Variants in EXTL2 observed in about 807,000 individuals in gnomAD.
The protein encoded by EXTL2 is exostosin-like 2.
Under a neutral mutation model 30.7 loss-of-function variants are expected in EXTL2, and 23 were observed. That is an observed-to-expected ratio of 0.75 (90% CI 0.54 to 1.06). EXTL2 has a LOEUF of 1.06. Among genes scored for constraint, EXTL2 ranks in the 50% least tolerant of loss-of-function variants. The pLI, the probability that EXTL2 is intolerant of heterozygous loss-of-function variation, is 0.00. For missense variants in EXTL2, 352 were observed against 396.3 expected (o/e 0.89, Z 0.95); for synonymous variants, 123 against 133.8 (o/e 0.92, Z 0.56).
At chr1:100,885,665 G>A (rs544302686) in intron 2 of EXTL2, 2 of 152,304 alleles carry the variant, frequency 1.3e-5, no homozygotes, top group South Asian at 4.1e-4. Context: ...GTACATGAAA[G>A]GTCATTTTTC....
intron 4 of EXTL2, 109 bp from the exon 5 acceptor site, chr1:100,874,539 C>A (rs1648951551): frequency 1.1e-6 from 1 of 898,272 alleles, no homozygotes; most frequent in African/African-American, 1.7e-5. Context: ...GTCAACTCTT[C>A]CTTATTCCTG....
intron 1 of EXTL2, among the ~76,000 whole-genome samples, chr1:100,891,111 T>C (rs967246183): frequency 1.3e-5 from 2 of 152,268 alleles, no homozygotes; most frequent in African/African-American, 4.8e-5. Context: ...TTTATGCATG[T>C]ATACACTTGT....
rs779543885 is a variant in EXTL2 at position 100,877,816 on chromosome 1, C to T, written c.93G>A (p.Leu31=). ...GTAAGGCAGTCAAAGCACCAGCTAC[C>T]AGTAATAATACGAGGATGACCACCA... The part of the protein sequence containing the change: ...LSLVVILVLL[L]VAGALTALLP... The change falls in exon 3 of 5, where the codon CTG becomes CTA. Residue 31 remains leucine, a synonymous_variant. Coordinates refer to ENST00000370114, the MANE Select transcript of EXTL2 (RefSeq NM_001033025.3). The surrounding 1 kb of genome is among the most constrained non-coding windows in gnomAD (Gnocchi z 4.1). 1.2e-6 allele frequency: 2 copies of T among 1,606,214 alleles called. No individual in the cohort carries two copies. The highest frequency in any genetic ancestry group is 2.7e-5 in the African/African-American group (2 of 74,966).
At chr1:100,878,524 A>G (rs1649310516) in intron 2 of EXTL2, 1 of 464,066 alleles carries the variant, frequency 2.2e-6, no homozygotes, top group African/African-American at 2.0e-5. Context: ...AGAAACAGAT[A>G]ACACAATAAA....
At chr1:100,886,949 C>T (rs973370558) in intron 2 of EXTL2, among the ~76,000 whole-genome samples, 1 of 152,118 alleles carries the variant, frequency 6.6e-6, no homozygotes, top group African/African-American at 2.4e-5. Flanking sequence ...GGCCTTATTC[C>T]TAAGAGGAAC....
chr1:100,888,482 T>A (rs1650152721), intron 2 of EXTL2: 1 of 306,886 alleles, frequency 3.3e-6, no homozygotes, highest in Non-Finnish European at 6.0e-6. Flanking sequence ...TGATTCCATT[T>A]ATTATGAGGT....
chr1:100,875,398 T>C (rs1371471008), intron 4 of EXTL2, among the ~76,000 whole-genome samples: 2 of 151,836 alleles, frequency 1.3e-5, no homozygotes, highest in Non-Finnish European at 2.9e-5. Flanking sequence ...AATGGGCACA[T>C]TGAGGGTAGA....
intron 1 of EXTL2, among the ~76,000 whole-genome samples, chr1:100,890,399 C>CT (rs1650328445): frequency 6.6e-6 from 1 of 152,194 alleles, no homozygotes; most frequent in African/African-American, 2.4e-5. Flanking sequence ...CTGACATGCC[C>CT]TGGAGATATT....
At chr1:100,884,914 C>G (rs1171220039) in intron 2 of EXTL2, among the ~76,000 whole-genome samples, 1 of 152,162 alleles carries the variant, frequency 6.6e-6, no homozygotes, top group African/African-American at 2.4e-5. Context: ...TTTTTTGACT[C>G]AGTGCTCACA....
At chr1:100,886,555 T>G (rs187770583) in intron 2 of EXTL2, among the ~76,000 whole-genome samples, 1 of 152,206 alleles carries the variant, frequency 6.6e-6, no homozygotes, top group African/African-American at 2.4e-5. Context: ...AGTTCTAGCA[T>G]TTTCTAGTTT....
In EXTL2 at chr1:100,874,288, G is replaced by A; in HGVS notation, c.647C>T (p.Ser216Leu). ...TTCAAGATATTTGCTATTGAAGAAT[G>A]AGGCTCCAATCAGCACCATAGAGTA... The part of the protein sequence containing the change: ...DQYSMVLIGA[S>L]FFNSKYLELF... Residue 216 changes from serine (S) to leucine (L), a missense_variant, in exon 5 of 5, where the codon TCA becomes TTA. By Grantham distance (145) the Ser-to-Leu change is moderately radical. Coordinates refer to ENST00000370114, the MANE Select transcript of EXTL2 (RefSeq NM_001033025.3). 2 of 1,613,006 alleles carry A rather than the reference G, an allele frequency of 1.2e-6. No homozygotes were observed. Among genetic ancestry groups the A allele is most frequent in the Non-Finnish European group, 1.7e-6 (2 of 1,179,440 alleles).
intron 1 of EXTL2, among the ~76,000 whole-genome samples, chr1:100,892,694 A>G (rs1650524941): frequency 6.6e-6 from 1 of 152,246 alleles, no homozygotes; most frequent in Admixed American, 6.5e-5. Flanking sequence ...CACGATCCCA[A>G]CTATCTAATG....
At chr1:100,887,889 C>T (rs912221359) in intron 2 of EXTL2, among the ~76,000 whole-genome samples, 3 of 152,016 alleles carry the variant, frequency 2.0e-5, no homozygotes, top group Admixed American at 6.6e-5. Flanking sequence ...TTAGTAGAGA[C>T]GGGGTTTCAC....
chr1:100,873,809 A>G lies in EXTL2; in HGVS notation c.*133T>C, dbSNP rs1648876588. 1 of 879,924 alleles carries G rather than the reference A, an allele frequency of 1.1e-6. No individual in the cohort carries two copies. The highest frequency in any genetic ancestry group is 2.1e-5 in the South Asian group (1 of 48,242). 54.5% of individuals were successfully genotyped at this position (879,924 alleles called of 1,614,324 possible). On this transcript the variant is annotated 3_prime_UTR_variant, in exon 5 of 5. Transcript: ENST00000370114. ...AATGTGAATTTTATATCCTAGAAGC[A>G]CTGCACTTTTTTTTCTATTGTAGAG...
At chr1:100,893,691 C>T (rs1357039213) in intron 1 of EXTL2, among the ~76,000 whole-genome samples, 2 of 152,166 alleles carry the variant, frequency 1.3e-5, no homozygotes, top group Admixed American at 6.5e-5. Flanking sequence ...TGAGGCACAG[C>T]CTGACGTTTT....
chr1:100,874,403 C>G lies in EXTL2; in HGVS notation c.532G>C (p.Val178Leu). 1 of 1,591,850 alleles carries G rather than the reference C, an allele frequency of 6.3e-7. No individual in the cohort carries two copies. Among genetic ancestry groups the G allele is most frequent in the Non-Finnish European group, 8.6e-7 (1 of 1,168,284 alleles). Residue 178 changes from valine to leucine, a missense_variant, in exon 5 of 5, where the codon GTT becomes CTT. Transcript: ENST00000370114. ...GAAGTAGAGACGTGCTTTCTAGGAA[C>G]AAATCCTACAATTTGATCAGGAAAT... ...QQFPDQIVGF[V>L]PRKHVSTSSG... is the part of the protein sequence containing the mutation.
At chr1:100,883,382 C>T (rs1649718488) in intron 2 of EXTL2, among the ~76,000 whole-genome samples, 2 of 152,144 alleles carry the variant, frequency 1.3e-5, no homozygotes, top group Non-Finnish European at 2.9e-5. Flanking sequence ...TCCCTATTTT[C>T]ACTTCCCTTA....
intron 1 of EXTL2, among the ~76,000 whole-genome samples, chr1:100,890,638 C>T (rs1650354202): frequency 6.6e-6 from 1 of 152,172 alleles, no homozygotes; most frequent in African/African-American, 2.4e-5. Context: ...AGCAAAATGC[C>T]ACCAGCCTCT....
At chr1:100,876,410 T>C (rs1649121320) in intron 4 of EXTL2, among the ~76,000 whole-genome samples, 1 of 152,116 alleles carries the variant, frequency 6.6e-6, no homozygotes, top group Non-Finnish European at 1.5e-5. Flanking sequence ...TAATAAATAC[T>C]TCCTTTTACA....
Sources: allele counts gnomAD v4.1 joint callset (sites outside exome capture counted in the v4.1 genomes callset), GRCh38; gene constraint gnomAD v4.1.1; non-coding constraint Gnocchi (gnomAD v3.1); transcripts MANE v1.5; gene names NCBI Gene and HGNC (gene_info 2026-07-23, HGNC 2026-07-21).